RAPGEF5: variants seen among roughly 807,000 people sequenced by gnomAD.
The protein encoded by RAPGEF5 is M-Ras-regulated GEF.
In RAPGEF5, 65 loss-of-function variants were observed where a neutral mutation model predicts 125.2. The ratio of observed to expected loss-of-function variants is 0.52; its 90% CI spans 0.43 to 0.64. RAPGEF5 has a LOEUF of 0.64. Ranked by LOEUF, RAPGEF5 falls within the 30% of genes least tolerant of loss-of-function variation. RAPGEF5 has a pLI of 0.00. For synonymous variants in RAPGEF5, 391 were observed against 385.9 expected, an observed-to-expected ratio of 1.01 and a Z score of -0.16; for missense variants, 958 against 1,048.1, an observed-to-expected ratio of 0.91 and a Z score of 1.19.
Position 22,193,935 on chromosome 7 carries a change from C to A in RAPGEF5, c.1095G>T (p.Gly365=). The stretch of plus-strand genomic sequence containing the variant: ...CTCACCTCCAATGGCTCTCCGCACT[C>A]CCAGCTGTGGGGGCTGGGCCACAGC... ...VQCCGPAPTA[G]SAESHWRYVV... Residue 365 remains glycine (G), a synonymous_variant, in exon 10 of 26, where the codon GGG becomes GGT. Transcript: ENST00000665637. 1 of 1,613,830 alleles carries A rather than the reference C, an allele frequency of 6.2e-7. No individual in the cohort carries two copies. Among genetic ancestry groups the A allele is most frequent in the Non-Finnish European group, 8.5e-7 (1 of 1,179,832 alleles).
intron 11 of RAPGEF5, among the ~76,000 whole-genome samples, chr7:22,177,969 T>C (rs1784560488): frequency 6.6e-6 from 1 of 152,098 alleles, no homozygotes; most frequent in Non-Finnish European, 1.5e-5. Flanking sequence ...AAGATGCCCC[T>C]ATAAAGTTGT....
chr7:22,194,701 T>C, intron 9 of RAPGEF5: 3 of 985,442 alleles, frequency 3.0e-6, no homozygotes, highest in Non-Finnish European at 3.6e-6. Context: ...TCGGATGCCA[T>C]GGATGACTGC....
chr7:22,275,262 C>T (rs1485617289), intron 6 of RAPGEF5, among the ~76,000 whole-genome samples: 1 of 152,202 alleles, frequency 6.6e-6, no homozygotes, highest in East Asian at 1.9e-4. Context: ...AATGAAATCT[C>T]CTCTTTAGCT....
At chr7:22,291,591 T>C (rs1215808222) in intron 5 of RAPGEF5, among the ~76,000 whole-genome samples, 1 of 152,218 alleles carries the variant, frequency 6.6e-6, no homozygotes, top group Non-Finnish European at 1.5e-5. Context: ...AGTGCTGAAA[T>C]TTCCTAAATC....
intron 6 of RAPGEF5, among the ~76,000 whole-genome samples, chr7:22,280,697 G>A (rs984969448): frequency 6.6e-6 from 1 of 152,072 alleles, no homozygotes; most frequent in South Asian, 2.1e-4. Context: ...GTTTTATAAT[G>A]AGACTGGAAA....
At chr7:22,190,033 G>A (rs1784943486) in intron 11 of RAPGEF5, among the ~76,000 whole-genome samples, 1 of 152,140 alleles carries the variant, frequency 6.6e-6, no homozygotes, top group African/African-American at 2.4e-5. Context: ...TGTAATCCCA[G>A]CACTTTAGGA....
At chr7:22,319,538 T>G (rs527439719) in intron 1 of RAPGEF5, among the ~76,000 whole-genome samples, 21 of 152,346 alleles carry the variant, frequency 1.4e-4, no homozygotes, top group African/African-American at 5.1e-4. Flanking sequence ...GAGCCCATTT[T>G]TAATTCCCAG....
At chr7:22,223,623 G>A (rs1021181425) in intron 8 of RAPGEF5, among the ~76,000 whole-genome samples, 1 of 152,096 alleles carries the variant, frequency 6.6e-6, no homozygotes, top group African/African-American at 2.4e-5. Context: ...CAAGAGTAAT[G>A]TTCTTGAGTA....
chr7:22,316,472 TATATATATATA>T (rs1783594851), intron 2 of RAPGEF5, among the ~76,000 whole-genome samples: 7 of 53,620 alleles, frequency 1.3e-4, no homozygotes, highest in African/African-American at 6.3e-4. Context: ...TATATATATA[TATATATATATA>T]TATATATTTT....
chr7:22,325,205 C>T (rs1783791200), intron 1 of RAPGEF5, among the ~76,000 whole-genome samples: 1 of 152,228 alleles, frequency 6.6e-6, no homozygotes, highest in South Asian at 2.1e-4. Context: ...AAATATAGTG[C>T]CTCCTGGCCC....
At position 22,118,425 on chromosome 7, in the gene RAPGEF5, T is replaced by A. The variant is rs1442425224; in HGVS notation, c.*3981A>T. ...TATATTGCTTGGCCATTTTTACATA[T>A]AAATTATTGCTTACTAGCTTCGATA... On this transcript the variant is annotated 3_prime_UTR_variant, in exon 26 of 26. Coordinates refer to ENST00000665637, the MANE Select transcript of RAPGEF5 (RefSeq NM_012294.5). The A allele has an allele frequency of 6.6e-6, 1 of 152,652 alleles. No homozygotes were observed. Among genetic ancestry groups the A allele is most frequent in the Non-Finnish European group, 1.5e-5 (1 of 68,046 alleles). The allele number at this position is 152,652 out of a possible 1,614,324, so 9.5% of individuals were successfully genotyped here.
chr7:22,347,701 A>G (rs1420484303), intron 1 of RAPGEF5, among the ~76,000 whole-genome samples: 1 of 152,196 alleles, frequency 6.6e-6, no homozygotes, highest in African/African-American at 2.4e-5. Flanking sequence ...GGGTGATCTT[A>G]GGCAACTCAA....
At chr7:22,339,502 C>T (rs1456049024) in intron 1 of RAPGEF5, among the ~76,000 whole-genome samples, 2 of 152,084 alleles carry the variant, frequency 1.3e-5, no homozygotes, top group Admixed American at 1.3e-4. Flanking sequence ...GCAGCAAAAG[C>T]TGCAATAACC....
At chr7:22,283,505 A>G (rs1261116904) in intron 6 of RAPGEF5, among the ~76,000 whole-genome samples, 1 of 152,214 alleles carries the variant, frequency 6.6e-6, no homozygotes, top group African/African-American at 2.4e-5. Flanking sequence ...CTTACATTTC[A>G]TCTAAAGCAG....
Position 22,356,905 on chromosome 7 carries a change from C to A in RAPGEF5, c.156G>T (p.Pro52=). Residue 52 remains proline (P), a synonymous_variant, in exon 1 of 26, where the codon CCG becomes CCT. Coordinates refer to ENST00000665637, the MANE Select transcript of RAPGEF5 (RefSeq NM_012294.5). ...GCAGCGCGGGCAGGTCCCTCAGCCG[C>A]GGCCGCAGCGACGCCGGCGGCTGCT... ...EREQPPASLR[P]RLRDLPALLR... is the part of the protein sequence containing the mutation. 9.0e-7 allele frequency: 1 copy of A among 1,116,886 alleles called. No individual in the cohort carries two copies. The highest frequency in any genetic ancestry group is 4.9e-5 in the East Asian group (1 of 20,522). 69.2% of individuals were successfully genotyped at this position (1,116,886 alleles called of 1,614,324 possible).
At chr7:22,233,184 T>C (rs1203258059) in intron 7 of RAPGEF5, among the ~76,000 whole-genome samples, 1 of 152,042 alleles carries the variant, frequency 6.6e-6, no homozygotes, top group Non-Finnish European at 1.5e-5. Context: ...GCTATAGAAG[T>C]AAGGAACTCC....
intron 13 of RAPGEF5, among the ~76,000 whole-genome samples, chr7:22,161,040 C>CAA (rs58855860): frequency 3.4e-5 from 5 of 146,030 alleles, no homozygotes; most frequent in African/African-American, 5.1e-5. Flanking sequence ...ACTAAAAATA[C>CAA]AAAAAAAAAA....
At chr7:22,281,362 C>A (rs1464084984) in intron 6 of RAPGEF5, among the ~76,000 whole-genome samples, 1 of 152,160 alleles carries the variant, frequency 6.6e-6, no homozygotes, top group East Asian at 1.9e-4. Flanking sequence ...CAGGTGCACG[C>A]CACCTCATCG....
At chr7:22,267,877 T>TC (rs1293059765) in intron 6 of RAPGEF5, among the ~76,000 whole-genome samples, 9 of 152,040 alleles carry the variant, frequency 5.9e-5, no homozygotes, top group African/African-American at 2.2e-4. Flanking sequence ...TTTTTTTTTT[T>TC]CGGCGGGTGG....
Sources: allele counts gnomAD v4.1 joint callset (sites outside exome capture counted in the v4.1 genomes callset), GRCh38; gene constraint gnomAD v4.1.1; transcripts MANE v1.5; gene names NCBI Gene and HGNC (gene_info 2026-07-23, HGNC 2026-07-21).